Variants in TAS2R1 observed in about 807,000 individuals in gnomAD.
TAS2R1 encodes the protein taste 2 receptor member 1.
For synonymous variants in TAS2R1, 141 were observed against 134.2 expected, an observed-to-expected ratio of 1.05 and a Z score of -0.35; for missense variants, 370 against 353.4, an observed-to-expected ratio of 1.05 and a Z score of -0.38.
At chr5:9,781,066 T>C in the TAS2R1 span, among the ~76,000 whole-genome samples, 1 of 152,248 alleles carries the variant, frequency 6.6e-6, no homozygotes, top group African/African-American at 2.4e-5. Flanking sequence ...ATATATATCC[T>C]ATAGCCTAGC....
the TAS2R1 span, among the ~76,000 whole-genome samples, chr5:9,893,134 C>A: frequency 5.0e-3 from 765 of 152,108 alleles, 4 homozygotes; most frequent in African/African-American, 0.017. Context: ...GAGAAGGGCT[C>A]AGGGAATCTT....
the TAS2R1 span, among the ~76,000 whole-genome samples, chr5:9,804,732 T>C: frequency 6.6e-6 from 1 of 152,110 alleles, no homozygotes; most frequent in East Asian, 1.9e-4. Context: ...ACCTCTGGGA[T>C]ACACCAAAGG....
chr5:9,818,803 A>G, the TAS2R1 span, among the ~76,000 whole-genome samples: 2 of 152,218 alleles, frequency 1.3e-5, no homozygotes, highest in Non-Finnish European at 2.9e-5. Context: ...ATAGAGTCAC[A>G]TTGCAAGATG....
the TAS2R1 span, among the ~76,000 whole-genome samples, chr5:9,814,318 T>C: frequency 6.6e-6 from 1 of 150,410 alleles, no homozygotes; most frequent in Non-Finnish European, 1.5e-5. Flanking sequence ...AAAAAAAAAA[T>C]GCTCACAAAA....
At chr5:9,794,212 TCTAGA>T in the TAS2R1 span, among the ~76,000 whole-genome samples, 1 of 152,204 alleles carries the variant, frequency 6.6e-6, no homozygotes, top group Non-Finnish European at 1.5e-5. Flanking sequence ...TTTAGTTGAT[TCTAGA>T]CTTGTGGTTT....
the TAS2R1 span, among the ~76,000 whole-genome samples, chr5:9,743,068 T>TA: frequency 3.5e-3 from 513 of 146,626 alleles, 2 homozygotes; most frequent in East Asian, 0.025. Context: ...AATAGGTGAT[T>TA]AAAAAAAAAA....
At chr5:9,753,559 C>A in the TAS2R1 span, among the ~76,000 whole-genome samples, 1 of 152,038 alleles carries the variant, frequency 6.6e-6, no homozygotes, top group African/African-American at 2.4e-5. Context: ...TAATTAGATC[C>A]CATTTGTCAA....
chr5:9,847,554 T>G, the TAS2R1 span, among the ~76,000 whole-genome samples: 3 of 152,202 alleles, frequency 2.0e-5, no homozygotes, highest in African/African-American at 7.2e-5. Context: ...GGCAGCAGGA[T>G]GCAGCTAGAG....
chr5:9,753,705 A>G, the TAS2R1 span, among the ~76,000 whole-genome samples: 1 of 152,112 alleles, frequency 6.6e-6, no homozygotes, highest in Non-Finnish European at 1.5e-5. Flanking sequence ...TCTTCAATCC[A>G]TCTTGAATTA....
At chr5:9,726,262 G>A in the TAS2R1 span, among the ~76,000 whole-genome samples, 2 of 152,156 alleles carry the variant, frequency 1.3e-5, no homozygotes, top group South Asian at 4.1e-4. Context: ...GAACCTTTGT[G>A]TTGACACTCT....
chr5:9,836,117 G>A, the TAS2R1 span, among the ~76,000 whole-genome samples: 3 of 151,928 alleles, frequency 2.0e-5, no homozygotes, highest in Non-Finnish European at 4.4e-5. Flanking sequence ...TTTAAAAAGG[G>A]GAGTTTCCCT....
At chr5:9,845,052 T>A in the TAS2R1 span, among the ~76,000 whole-genome samples, 11,011 of 152,272 alleles carry the variant, frequency 0.072, 465 homozygotes, top group Middle Eastern at 0.16. Flanking sequence ...TTTGTGTCCC[T>A]CCAAAATTCC....
At chr5:9,891,672 G>T in the TAS2R1 span, among the ~76,000 whole-genome samples, 1 of 152,154 alleles carries the variant, frequency 6.6e-6, no homozygotes, top group Non-Finnish European at 1.5e-5. Flanking sequence ...AGCCCACAGT[G>T]TTTCCTCTGC....
chr5:9,638,803 T>C (rs140614211), intron 2 of TAS2R1, among the ~76,000 whole-genome samples: 1 of 152,262 alleles, frequency 6.6e-6, no homozygotes, highest in East Asian at 1.9e-4. Flanking sequence ...CCACAGCCAC[T>C]GTGGGGGATG....
chr5:9,792,488 C>T, the TAS2R1 span, among the ~76,000 whole-genome samples: 3 of 152,280 alleles, frequency 2.0e-5, no homozygotes, highest in African/African-American at 7.2e-5. Flanking sequence ...GTTACAAACA[C>T]TGGCAACGAT....
intron 1 of TAS2R1, among the ~76,000 whole-genome samples, chr5:9,710,672 A>G (rs975311552): frequency 6.6e-6 from 1 of 152,090 alleles, no homozygotes; most frequent in African/African-American, 2.4e-5. Flanking sequence ...TCAATTCAAT[A>G]GCCAAAAACA....
At position 9,666,062 on chromosome 5, in the gene TAS2R1, A is replaced by G. The variant is rs147428006; in HGVS notation, c.-241-6481T>C. 9.1e-4 allele frequency among the ~76,000 whole-genome samples: 138 copies of G among 152,364 alleles called. 1 individual carries two copies. In the East Asian group the frequency reaches 0.025, roughly 28 times the overall value. On this transcript the variant is annotated intron_variant, in intron 1 of 2. Coordinates refer to the TAS2R1 transcript ENST00000506620. ...GTTGAACTGGATTCAGGAAAGTTAT[A>G]TAACAAGAACTTCATGATTCTTTTT...
At chr5:9,811,714 A>G in the TAS2R1 span, among the ~76,000 whole-genome samples, 167 of 152,262 alleles carry the variant, frequency 1.1e-3, no homozygotes, top group African/African-American at 3.8e-3. Flanking sequence ...AAATTGATAC[A>G]TTCAGGCCAA....
At chr5:9,850,867 T>G in the TAS2R1 span, among the ~76,000 whole-genome samples, 2 of 152,318 alleles carry the variant, frequency 1.3e-5, no homozygotes, top group African/African-American at 4.8e-5. Context: ...GGAATTGCCT[T>G]CATATTCTAA....
Sources: gnomAD v4.1 joint callset for allele counts (sites outside exome capture counted in the v4.1 genomes callset) on GRCh38, gnomAD v4.1.1 for gene constraint, MANE v1.5 for transcripts, NCBI Gene and HGNC (gene_info 2026-07-23, HGNC 2026-07-21) for gene names.